SPATA31A6: variants seen among roughly 807,000 people sequenced by gnomAD.
The protein encoded by SPATA31A6 is spermatogenesis-associated protein 31A6.
A neutral mutation model predicts 11.9 loss-of-function variants in SPATA31A6; 9 were observed. That is an observed-to-expected ratio of 0.76 (90% CI 0.46 to 1.32). The LOEUF (loss-of-function observed/expected upper bound fraction) is 1.32, where lower values mean the gene tolerates loss of function less well. Ranked by LOEUF, SPATA31A6 falls within the 40% of genes most tolerant of loss-of-function variation. The pLI is 0.00. For synonymous variants in SPATA31A6, 314 were observed against 572.1 expected (o/e 0.55, Z 6.44); for missense variants, 855 against 1,467.3 (o/e 0.58, Z 6.82).
rs1370799238 is a variant in SPATA31A6, at chr9:42,183,661, T to C, written c.-27T>C. 6.6e-7 allele frequency: 1 copy of C among 1,525,288 alleles called. No individual in the cohort carries two copies. The highest frequency in any genetic ancestry group is 1.2e-5 in the South Asian group (1 of 86,302). 94.5% of individuals were successfully genotyped at this position (1,525,288 alleles called of 1,614,324 possible). A position where few individuals can be genotyped will look rare whatever the true frequency, so the allele number is the denominator to read the frequency against. On this transcript the variant is annotated 5_prime_UTR_variant, in exon 1 of 4. Transcript: ENST00000332857. ...CTCCACGGGGATGCCCAGAGCTCAGTTGCTTGAAAGCAACGTGCCTATTCA... is the reference window on the plus strand; with the variant it reads ...CTCCACGGGGATGCCCAGAGCTCAGCTGCTTGAAAGCAACGTGCCTATTCA...
In SPATA31A6 at chr9:42,186,649, G is replaced by A. The variant is rs199762711; in HGVS notation, c.947G>A (p.Ser316Asn). The change falls in exon 4 of 4, where the codon AGC becomes AAC. Residue 316 changes from serine to asparagine, a missense_variant. Coordinates refer to ENST00000332857, the MANE Select transcript of SPATA31A6 (RefSeq NM_001145196.1). The part of the protein sequence containing the change: ...PPETCQMEAG[S>N]LFLLSSDGQN... ...GAGACCTGTCAGATGGAAGCTGGTA[G>A]CCTGTTTTTGCTCAGCTCTGATGGC... 144 of 1,531,956 alleles carry A rather than the reference G, an allele frequency of 9.4e-5. 31 individuals carry two copies. In the East Asian group the frequency reaches 1.9e-3, roughly 20 times the overall value. The allele number at this position is 1,531,956 out of a possible 1,614,324, so 94.9% of individuals were successfully genotyped here.
chr9:42,188,925 A>G lies in SPATA31A6; in HGVS notation c.3223A>G (p.Arg1075Gly). The stretch of plus-strand genomic sequence containing the variant: ...GGAGCTACATGACCTCATGGCAGCC[A>G]GAAGGAGCAAACTGGTGCAAGAGGA... ...SQELHDLMAARRSKLVQEEPR... is the reference protein window; with the variant it reads ...SQELHDLMAAGRSKLVQEEPR... Residue 1075 changes from arginine to glycine, a missense_variant, in exon 4 of 4, where the codon AGA becomes GGA. Coordinates refer to ENST00000332857, the MANE Select transcript of SPATA31A6 (RefSeq NM_001145196.1). The G allele has an allele frequency of 1.3e-6, 2 of 1,541,054 alleles. No individual in the cohort carries two copies. The highest frequency in any genetic ancestry group is 1.8e-6 in the Non-Finnish European group (2 of 1,137,086).
At position 42,187,064 on chromosome 9, in the gene SPATA31A6, C is replaced by T. The variant is rs762530350; in HGVS notation, c.1362C>T (p.Cys454=). ...TGTTCAATGAAATGTCCAATGTCTGCCCAATTCAAAGGGAGACTACAATGT... is the reference window on the plus strand; with the variant it reads ...TGTTCAATGAAATGTCCAATGTCTGTCCAATTCAAAGGGAGACTACAATGT... ...PFLFNEMSNV[C]PIQRETTMSP... The change falls in exon 4 of 4, where the codon TGC becomes TGT. Residue 454 remains cysteine (C), a synonymous_variant. Coordinates refer to ENST00000332857, the MANE Select transcript of SPATA31A6 (RefSeq NM_001145196.1). 44 of 1,545,978 alleles carry T rather than the reference C, an allele frequency of 2.8e-5. 6 individuals carry two copies. The highest frequency in any genetic ancestry group is 3.7e-5 in the Non-Finnish European group (42 of 1,140,572).
rs1241212220 is a variant in SPATA31A6 at position 42,189,151 on chromosome 9, A to G, written c.3449A>G (p.Lys1150Arg). 12 of 1,545,272 alleles carry G rather than the reference A, an allele frequency of 7.8e-6. 1 individual carries two copies. The highest frequency in any genetic ancestry group is 1.1e-5 in the Non-Finnish European group (12 of 1,139,282). The change falls in exon 4 of 4, where the codon AAG (lysine) becomes AGG (arginine). Residue 1150 changes from lysine (K) to arginine (R), a missense_variant. Physicochemically the swap from Lys to Arg is conservative, Grantham distance 26 (BLOSUM62 2). Transcript: ENST00000332857. The stretch of plus-strand genomic sequence containing the variant: ...GAAGGCGTCCAGCTACTGCCATCAA[A>G]GAAACAGCCTCCTTCAGTAAGCCAC... ...QDEGVQLLPSKKQPPSVSHFG... is the reference protein window; with the variant it reads ...QDEGVQLLPSRKQPPSVSHFG...
intron 1 of SPATA31A6, among the ~76,000 whole-genome samples, 200 bp downstream of exon 1, chr9:42,184,076 T>C (rs1407973620): frequency 7.3e-6 from 1 of 137,378 alleles, no homozygotes; most frequent in African/African-American, 2.9e-5. Flanking sequence ...CATCCCAAGA[T>C]CTCAGTCCAT....
chr9:42,184,245 T>A (rs1273191402), intron 1 of SPATA31A6, among the ~76,000 whole-genome samples: 1 of 135,048 alleles, frequency 7.4e-6, no homozygotes, highest in Non-Finnish European at 1.6e-5. Context: ...CAGCCTCCCC[T>A]GTGTGGGGTG....
In SPATA31A6 at chr9:42,186,748, C is replaced by G; in HGVS notation, c.1046C>G (p.Ser349Ter). 6.5e-7 allele frequency: 1 copy of G among 1,529,280 alleles called. No homozygotes were observed. The highest frequency in any genetic ancestry group is 8.8e-7 in the Non-Finnish European group (1 of 1,137,994). 94.7% of individuals were successfully genotyped at this position (1,529,280 alleles called of 1,614,324 possible). A position where few individuals can be genotyped will look rare whatever the true frequency, so the allele number is the denominator to read the frequency against. Residue 349 changes from serine (S) to a stop codon, truncating the protein, a stop_gained, in exon 4 of 4, where the codon TCA (serine) becomes TGA (stop). Transcript: ENST00000332857. LOFTEE classifies it low-confidence loss of function (END_TRUNC). The stretch of plus-strand genomic sequence containing the variant: ...TGGGAAGAAAAAGAAAATGTTGGAT[C>G]ATTTACAAATCAAATGACCCCAGAA... ...NIWEEKENVG[S>*]FTNQMTPEKH...
chr9:42,184,541 A>AT (rs869059001), intron 1 of SPATA31A6, among the ~76,000 whole-genome samples: 1 of 83,844 alleles, frequency 1.2e-5, no homozygotes, highest in African/African-American at 4.8e-5. Context: ...ATTTTATTTT[A>AT]TTTTTTGAGA....
At position 42,183,827 on chromosome 9, in the gene SPATA31A6, C is replaced by T; in HGVS notation, c.140C>T (p.Ser47Phe). Residue 47 changes from serine to phenylalanine, a missense_variant, in exon 1 of 4, where the codon TCT becomes TTT. Physicochemically the swap from Ser to Phe is radical, Grantham distance 155. Coordinates refer to ENST00000332857, the MANE Select transcript of SPATA31A6 (RefSeq NM_001145196.1). Reference sequence around the variant, plus strand: ...TTCTTCCTATTACTCCCCTACTTATCTTACTTCCATTGTGATGACCCACCC... The same window carrying T: ...TTCTTCCTATTACTCCCCTACTTATTTTACTTCCATTGTGATGACCCACCC... ...GFFFLLLPYL[S>F]YFHCDDPPSP... 1 of 1,533,614 alleles carries T rather than the reference C, an allele frequency of 6.5e-7. No homozygotes were observed. Among genetic ancestry groups the T allele is most frequent in the Non-Finnish European group, 8.8e-7 (1 of 1,137,900 alleles).
rs1341717248 is a variant in SPATA31A6 at position 42,184,808 on chromosome 9, G to A, written c.190-261G>A. On this transcript the variant is annotated intron_variant, in intron 1 of 3. Transcript: ENST00000332857. ...CTCCCAAAGTGCTTGGATTATAGGCGTGAGCCACCACGCCCAGCCCCCTCT... is the reference window on the plus strand; with the variant it reads ...CTCCCAAAGTGCTTGGATTATAGGCATGAGCCACCACGCCCAGCCCCCTCT... Among the ~76,000 whole-genome samples the A allele has an allele frequency of 2.9e-5, 4 of 137,464 alleles. 1 individual carries two copies. The highest frequency in any genetic ancestry group is 1.4e-4 in the Admixed American group (2 of 13,838). 90.2% of individuals were successfully genotyped at this position (137,464 alleles called of 152,430 possible).
rs746198291 is a variant in SPATA31A6 at position 42,183,678 on chromosome 9, G to A, written c.-10G>A. 1.8e-5 allele frequency: 27 copies of A among 1,529,992 alleles called. 3 individuals carry two copies. Among genetic ancestry groups the A allele is most frequent in the East Asian group, 1.2e-4 (5 of 41,468 alleles). 94.8% of individuals were successfully genotyped at this position (1,529,992 alleles called of 1,614,324 possible). On this transcript the variant is annotated 5_prime_UTR_variant, in exon 1 of 4. Coordinates refer to ENST00000332857, the MANE Select transcript of SPATA31A6 (RefSeq NM_001145196.1). Reference sequence around the variant, plus strand: ...GAGCTCAGTTGCTTGAAAGCAACGTGCCTATTCACATGGAGAATCTTCCCT... The same window carrying A: ...GAGCTCAGTTGCTTGAAAGCAACGTACCTATTCACATGGAGAATCTTCCCT...
intron 1 of SPATA31A6, among the ~76,000 whole-genome samples, chr9:42,184,482 T>TGTGTGTGTGTGTGTGTG (rs1491231633): frequency 9.5e-6 from 1 of 105,066 alleles, no homozygotes; most frequent in African/African-American, 4.1e-5. Flanking sequence ...TGTGTGTGTG[T>TGTGTGTGTGTGTGTGTG]TATTTTTATT....
rs773731432 is a variant in SPATA31A6 at position 42,183,872 on chromosome 9, G to T, written c.185G>T (p.Arg62Ile). ...CCACCCTCACCATCGCCTGGGAAGA[G>T]AAAGGTAAGGAACCCTCAGTCCCGA... is the stretch of plus-strand genomic sequence containing the variant. ...DDPPSPSPGK[R>I]KCPVGRRRRP... Residue 62 changes from arginine to isoleucine, a missense_variant, in exon 1 of 4, where the codon AGA becomes ATA. Physicochemically the swap from Arg to Ile is moderately conservative, Grantham distance 97 (BLOSUM62 -3). Coordinates refer to ENST00000332857, the MANE Select transcript of SPATA31A6 (RefSeq NM_001145196.1). 3 of 1,530,932 alleles carry T rather than the reference G, an allele frequency of 2.0e-6. 1 individual carries two copies. Among genetic ancestry groups the T allele is most frequent in the South Asian group, 1.2e-5 (1 of 86,628 alleles). 94.8% of individuals were successfully genotyped at this position (1,530,932 alleles called of 1,614,324 possible). A position where few individuals can be genotyped will look rare whatever the true frequency, so the allele number is the denominator to read the frequency against.
At position 42,188,865 on chromosome 9, in the gene SPATA31A6, C is replaced by G; in HGVS notation, c.3163C>G (p.Gln1055Glu). 2 of 1,557,602 alleles carry G rather than the reference C, an allele frequency of 1.3e-6. No homozygotes were observed. Among genetic ancestry groups the G allele is most frequent in the South Asian group, 1.1e-5 (1 of 88,510 alleles). The change falls in exon 4 of 4, where the codon CAG becomes GAG. Residue 1055 changes from glutamine (Q) to glutamate (E), a missense_variant. Physicochemically the swap from Gln to Glu is conservative, Grantham distance 29. Coordinates refer to ENST00000332857, the MANE Select transcript of SPATA31A6 (RefSeq NM_001145196.1). ...LVSQVPQGHLQSMPTGNMRAS... is the reference protein window; with the variant it reads ...LVSQVPQGHLESMPTGNMRAS... ...TTCTCAAGTGCCCCAGGGCCATCTC[C>G]AGAGCATGCCTACTGGGAACATGCG... is the stretch of plus-strand genomic sequence containing the variant.
rs1465004267 is a variant in SPATA31A6 at position 42,184,100 on chromosome 9, C to A, written c.189+224C>A. 2.0e-4 allele frequency among the ~76,000 whole-genome samples: 27 copies of A among 137,446 alleles called. 5 individuals are homozygous for A. Among genetic ancestry groups the A allele is most frequent in the African/African-American group, 7.3e-4 (25 of 34,130 alleles). The allele number at this position is 137,446 out of a possible 152,430, so 90.2% of individuals were successfully genotyped here. ...ATCTCAGTCCATCTGTGGGGGAGCACAGGAGGCATCAAGGCAAAATCAAAC... is the reference window on the plus strand; with the variant it reads ...ATCTCAGTCCATCTGTGGGGGAGCAAAGGAGGCATCAAGGCAAAATCAAAC... On this transcript the variant is annotated intron_variant, in intron 1 of 3. Transcript: ENST00000332857.
Position 42,185,492 on chromosome 9 carries a change from C to A in SPATA31A6, c.248-203C>A, listed in dbSNP as rs1487115091. ...TGTGAGGACTGTGGGGGTGGGGGGT[C>A]CGTGTGTGGAAGCCTGTTGTGAATG... On this transcript the variant is annotated intron_variant, in intron 2 of 3. Coordinates refer to ENST00000332857, the MANE Select transcript of SPATA31A6 (RefSeq NM_001145196.1). 23 of 897,534 alleles carry A rather than the reference C, an allele frequency of 2.6e-5. 4 individuals are homozygous for A. In the Admixed American group the frequency reaches 4.6e-4, roughly 18 times the overall value. The allele number at this position is 897,534 out of a possible 1,614,324, so 55.6% of individuals were successfully genotyped here. A position where few individuals can be genotyped will look rare whatever the true frequency, so the allele number is the denominator to read the frequency against.
In SPATA31A6 at chr9:42,188,932, G is replaced by A. The variant is rs761968157; in HGVS notation, c.3230G>A (p.Ser1077Asn). Reference sequence around the variant, plus strand: ...CATGACCTCATGGCAGCCAGAAGGAGCAAACTGGTGCAAGAGGAGCCCAGA... The same window carrying A: ...CATGACCTCATGGCAGCCAGAAGGAACAAACTGGTGCAAGAGGAGCCCAGA... ...ELHDLMAARR[S>N]KLVQEEPRNP... Residue 1077 changes from serine (S) to asparagine (N), a missense_variant, in exon 4 of 4, where the codon AGC (serine) becomes AAC (asparagine). Transcript: ENST00000332857. 21 of 1,541,242 alleles carry A rather than the reference G, an allele frequency of 1.4e-5. 4 individuals carry two copies. The highest frequency in any genetic ancestry group is 4.7e-4 in the Middle Eastern group (2 of 4,258).
At chr9:42,184,043 G>C (rs1482350575) in intron 1 of SPATA31A6, among the ~76,000 whole-genome samples, 167 bp downstream of exon 1, 1 of 137,200 alleles carries the variant, frequency 7.3e-6, no homozygotes, top group Non-Finnish European at 1.6e-5. Flanking sequence ...GGTTGGTAGG[G>C]GTAGATAGTG....
chr9:42,187,686 G>C lies in SPATA31A6; in HGVS notation c.1984G>C (p.Asp662His). ...GAAGGTGAAGTTCCAGCTAGAGAGG[G>C]ACCTGTGCCCACATCTGGGGCAAAT... Reference protein sequence around the residue: ...AQKVKFQLERDLCPHLGQILG... With the variant: ...AQKVKFQLERHLCPHLGQILG... Residue 662 changes from aspartate (D) to histidine (H), a missense_variant, in exon 4 of 4, where the codon GAC becomes CAC. Coordinates refer to ENST00000332857, the MANE Select transcript of SPATA31A6 (RefSeq NM_001145196.1). The C allele has an allele frequency of 6.6e-7, 1 of 1,520,672 alleles. No homozygotes were observed. The highest frequency in any genetic ancestry group is 8.9e-7 in the Non-Finnish European group (1 of 1,129,398). 94.2% of individuals were successfully genotyped at this position (1,520,672 alleles called of 1,614,324 possible).
Sources: allele counts gnomAD v4.1 joint callset (sites outside exome capture counted in the v4.1 genomes callset), GRCh38; gene constraint gnomAD v4.1.1; transcripts MANE v1.5; gene names NCBI Gene and HGNC (gene_info 2026-07-23, HGNC 2026-07-21).